Variants in MCTS1 observed in about 807,000 individuals in gnomAD.
MCTS1 encodes malignant T-cell-amplified sequence 1.
For missense variants in MCTS1, 55 were observed against 128.6 expected (o/e 0.43, Z 2.77); for synonymous variants, 26 against 40.8 (o/e 0.64, Z 1.38).
In MCTS1 at chrX:120,612,811, C is replaced by T. The variant is rs1926731997; in HGVS notation, c.*547C>T. ...AATGGACCTCTCCATATCCATCACC[C>T]AGTTTCAGTTTATGGTCAGTCTTAT... On this transcript the variant is annotated 3_prime_UTR_variant, in exon 6 of 6. Coordinates refer to ENST00000371317, the MANE Select transcript of MCTS1 (RefSeq NM_014060.3). 9.1e-6 allele frequency among the ~76,000 whole-genome samples: 1 copy of T among 109,547 alleles called. No homozygotes were observed. The highest frequency in any genetic ancestry group is 9.9e-5 in the Admixed American group (1 of 10,135).
At chrX:120,612,051 T>G in intron 5 of MCTS1, 132 bp from the exon 6 acceptor site, 1 of 496,168 alleles carries the variant, frequency 2.0e-6, no homozygotes, top group Non-Finnish European at 3.4e-6. Context: ...ACAATGTAAT[T>G]GTGATGTCAA....
chrX:120,615,553 C>T lies in MCTS1; in HGVS notation c.*3289C>T, dbSNP rs1161584974. The stretch of plus-strand genomic sequence containing the variant: ...AATATGTAAAGCCAGTAGGAATGTA[C>T]TAATCCTTTTCCAATTTTAGTCATC... On this transcript the variant is annotated 3_prime_UTR_variant, in exon 6 of 6. Coordinates refer to ENST00000371317, the MANE Select transcript of MCTS1 (RefSeq NM_014060.3). Among the ~76,000 whole-genome samples, 1 of 111,738 alleles carries T rather than the reference C, an allele frequency of 8.9e-6. No homozygotes were observed. The highest frequency in any genetic ancestry group is 3.2e-5 in the African/African-American group (1 of 30,790).
chrX:120,605,700 T>C (rs967153014), intron 2 of MCTS1, 141 bp downstream of exon 2: 2 of 624,343 alleles, frequency 3.2e-6, no homozygotes, highest in Non-Finnish European at 4.6e-6. Context: ...ACTCTAAAAC[T>C]CCAATATTTG....
intron 1 of MCTS1, chrX:120,604,631 GAATA>G (rs1926484357): frequency 1.0e-6 from 1 of 991,850 alleles, no homozygotes; most frequent in Admixed American, 4.7e-5. Context: ...GTTATGAACT[GAATA>G]AAGGAAGGCT....
chrX:120,604,755 C>T, intron 1 of MCTS1: 1 of 1,079,291 alleles, frequency 9.3e-7, no homozygotes, highest in Non-Finnish European at 1.2e-6. Flanking sequence ...TAACGATTGC[C>T]CCATAGGCTA....
In MCTS1 at chrX:120,616,615, A is replaced by T. The variant is rs1206111818; in HGVS notation, c.*4351A>T. ...GGAATATAATTTATGCATGTAAAAA[A>T]ATACAGGAGATGATTCACTGGAATG... is the stretch of plus-strand genomic sequence containing the variant. On this transcript the variant is annotated 3_prime_UTR_variant, in exon 6 of 6. Transcript: ENST00000371317. Among the ~76,000 whole-genome samples, 1 of 111,948 alleles carries T rather than the reference A, an allele frequency of 8.9e-6. No homozygotes were observed. The highest frequency in any genetic ancestry group is 1.9e-5 in the Non-Finnish European group (1 of 53,202).
intron 1 of MCTS1, chrX:120,604,955 T>C (rs1327381332): frequency 2.0e-6 from 2 of 996,053 alleles, no homozygotes; most frequent in African/African-American, 4.0e-5. Context: ...TCTCAGCAGA[T>C]TACATAGCCT....
rs761386076 is a variant in MCTS1, at chrX:120,618,384, A to T, written c.*6120A>T. Reference sequence around the variant, plus strand: ...TGTTTAAAACCAAAATTGACTCTTCACATCTGGACTAGATTGGACATGGTG... The same window carrying T: ...TGTTTAAAACCAAAATTGACTCTTCTCATCTGGACTAGATTGGACATGGTG... On this transcript the variant is annotated 3_prime_UTR_variant, in exon 6 of 6. Transcript: ENST00000371317. Among the ~76,000 whole-genome samples the T allele has an allele frequency of 1.7e-3, 186 of 112,428 alleles. No homozygotes were observed. Among genetic ancestry groups the T allele is most frequent in the Non-Finnish European group, 3.0e-3 (159 of 53,317 alleles).
In MCTS1 at chrX:120,604,141, G is replaced by C. The variant is rs999778231; in HGVS notation, c.-96G>C. 2 of 1,053,872 alleles carry C rather than the reference G, an allele frequency of 1.9e-6. No individual in the cohort carries two copies. Among genetic ancestry groups the C allele is most frequent in the African/African-American group, 3.7e-5 (2 of 53,748 alleles). The allele number at this position is 1,053,872 out of a possible 1,213,427, so 86.9% of individuals were successfully genotyped here. On this transcript the variant is annotated 5_prime_UTR_variant, in exon 1 of 6. Transcript: ENST00000371317. ...ACTACAGCTCCGACTGTCAGTGCCG[G>C]CCTTCCTCGTGTGAGGGGATCTGCC...
At position 120,615,716 on chromosome X, in the gene MCTS1, C is replaced by T. The variant is rs1245425025; in HGVS notation, c.*3452C>T. Reference sequence around the variant, plus strand: ...CAACTCAGATGATTGTCCTGTTGTCCGGTGACATAATGGCCTGATCAGTTC... The same window carrying T: ...CAACTCAGATGATTGTCCTGTTGTCTGGTGACATAATGGCCTGATCAGTTC... On this transcript the variant is annotated 3_prime_UTR_variant, in exon 6 of 6. Coordinates refer to ENST00000371317, the MANE Select transcript of MCTS1 (RefSeq NM_014060.3). 9.0e-6 allele frequency among the ~76,000 whole-genome samples: 1 copy of T among 111,143 alleles called. No homozygotes were observed.
In MCTS1 at chrX:120,608,354, T is replaced by C. The variant is rs1926594291; in HGVS notation, c.392T>C (p.Ile131Thr). The change falls in exon 4 of 6, where the codon ATT (isoleucine) becomes ACT (threonine). Residue 131 changes from isoleucine (I) to threonine (T), a missense_variant. By Grantham distance (89) the Ile-to-Thr change is moderately conservative. Coordinates refer to ENST00000371317, the MANE Select transcript of MCTS1 (RefSeq NM_014060.3). ...CTTTACCCTGCTGCAGTAGATACCA[T>C]TGTTGTATCCTTCCCAGGCTAAAAC... Reference protein sequence around the residue: ...AKLYPAAVDTIVAIMAEGKQH... With the variant: ...AKLYPAAVDTTVAIMAEGKQH... 3 of 1,186,192 alleles carry C rather than the reference T, an allele frequency of 2.5e-6. No homozygotes were observed. Among genetic ancestry groups the C allele is most frequent in the Non-Finnish European group, 3.4e-6 (3 of 881,120 alleles).
chrX:120,604,208 C>T lies in MCTS1; in HGVS notation c.-29C>T, dbSNP rs748672971. Reference sequence around the variant, plus strand: ...AATTTCTTTCCCATTCCGGGCCCTTCCCTATCGTCGCCCCCTTCACCTTGG... The same window carrying T: ...AATTTCTTTCCCATTCCGGGCCCTTTCCTATCGTCGCCCCCTTCACCTTGG... On this transcript the variant is annotated 5_prime_UTR_variant, in exon 1 of 6. Transcript: ENST00000371317. The T allele has an allele frequency of 8.3e-7, 1 of 1,208,201 alleles. No homozygotes were observed. The highest frequency in any genetic ancestry group is 1.8e-5 in the South Asian group (1 of 56,632).
intron 3 of MCTS1, among the ~76,000 whole-genome samples, chrX:120,606,913 G>A (rs1327282873): frequency 9.0e-6 from 1 of 111,550 alleles, no homozygotes; most frequent in Admixed American, 9.5e-5. Flanking sequence ...TAATAGTCTA[G>A]TTTGGAGAAT....
In MCTS1 at chrX:120,619,830, TCA is replaced by T. The variant is rs1926964315; in HGVS notation, c.*7567_*7568del. On this transcript the variant is annotated 3_prime_UTR_variant, in exon 6 of 6. Transcript: ENST00000371317. ...GAGTGGGAGAATCTTGAAATTGAAC[TCA>T]GTCCTGAGGTCTGATTTTCCTATTA... is the stretch of plus-strand genomic sequence containing the variant. 8.9e-6 allele frequency among the ~76,000 whole-genome samples: 1 copy of T among 111,885 alleles called. No individual in the cohort carries two copies. The highest frequency in any genetic ancestry group is 2.8e-4 in the East Asian group (1 of 3,556).
In MCTS1 at chrX:120,617,961, G is replaced by A. The variant is rs1049663836; in HGVS notation, c.*5697G>A. Among the ~76,000 whole-genome samples the A allele has an allele frequency of 2.7e-5, 3 of 112,244 alleles. No homozygotes were observed. The highest frequency in any genetic ancestry group is 9.7e-5 in the African/African-American group (3 of 30,897). ...TTTGGTTCATGGGAAGCCATACTGC[G>A]GTGGCTTCCAAGGTTGGCCAACCTG... On this transcript the variant is annotated 3_prime_UTR_variant, in exon 6 of 6. Coordinates refer to ENST00000371317, the MANE Select transcript of MCTS1 (RefSeq NM_014060.3).
intron 1 of MCTS1, chrX:120,605,012 C>G: frequency 1.6e-6 from 1 of 613,325 alleles, no homozygotes; most frequent in South Asian, 4.8e-5. Flanking sequence ...TCTTTTGTAT[C>G]TCAAGAATTG....
chrX:120,610,517 G>A (rs1392476821), intron 4 of MCTS1, among the ~76,000 whole-genome samples: 1 of 112,085 alleles, frequency 8.9e-6, no homozygotes, highest in Non-Finnish European at 1.9e-5. Context: ...GGAGGCTGAG[G>A]CAGGAGAATT....
chrX:120,604,930 A>AT, intron 1 of MCTS1: 2 of 1,082,083 alleles, frequency 1.8e-6, no homozygotes, highest in South Asian at 4.6e-5. Flanking sequence ...CATTATTATC[A>AT]TCACTTAAAA....
At chrX:120,604,325 A>T in intron 1 of MCTS1, 78 bp downstream of exon 1, 2 of 1,144,829 alleles carry the variant, frequency 1.7e-6, no homozygotes, top group South Asian at 3.7e-5. Context: ...GAGAGCTAAG[A>T]TCCTCTTTCT....
Sources: allele counts gnomAD v4.1 joint callset (sites outside exome capture counted in the v4.1 genomes callset), GRCh38; gene constraint gnomAD v4.1.1; transcripts MANE v1.5; gene names NCBI Gene and HGNC (gene_info 2026-07-23, HGNC 2026-07-21).